PPP6R3: variants seen among roughly 807,000 people sequenced by gnomAD.
PPP6R3 encodes protein phosphatase 6 regulatory subunit 3.
In PPP6R3, 38 loss-of-function variants were observed where a neutral mutation model predicts 110.7. The ratio of observed to expected loss-of-function variants is 0.34; its 90% CI spans 0.26 to 0.45. PPP6R3 has a LOEUF of 0.45. Ranked by LOEUF, PPP6R3 falls within the 20% of genes least tolerant of loss-of-function variation. The pLI, the probability that PPP6R3 is intolerant of heterozygous loss-of-function variation, is 1.00. For missense variants in PPP6R3, 870 were observed against 1,062.4 expected (o/e 0.82, Z 2.52); for synonymous variants, 369 against 373.5 (o/e 0.99, Z 0.14).
chr11:68,575,773 A>G (rs530407130), intron 13 of PPP6R3, among the ~76,000 whole-genome samples, 185 bp from the exon 14 acceptor site: 1 of 152,316 alleles, frequency 6.6e-6, no homozygotes, highest in East Asian at 1.9e-4. Context: ...GGCCTATGGA[A>G]GGTTTAATAA....
Position 68,497,954 on chromosome 11 carries a change from G to A in PPP6R3, c.-157-21547G>A, listed in dbSNP as rs1342274490. Among the ~76,000 whole-genome samples, 3 of 152,064 alleles carry A rather than the reference G, an allele frequency of 2.0e-5. No individual in the cohort carries two copies. In the East Asian group the frequency reaches 5.8e-4, roughly 29 times the overall value. On this transcript the variant is annotated intron_variant, in intron 1 of 23. Transcript: ENST00000393800. ...TCAGATGAGATCATTGTTGTTTATT[G>A]TTGGATATTTAGGAACCATGTATTT...
chr11:68,611,671 G>T (rs1347793515), intron 23 of PPP6R3, among the ~76,000 whole-genome samples: 1 of 152,156 alleles, frequency 6.6e-6, no homozygotes, highest in Non-Finnish European at 1.5e-5. Flanking sequence ...CATACTAGAG[G>T]CACATTCATC....
At chr11:68,609,239 C>T (rs1594135569) in intron 22 of PPP6R3, among the ~76,000 whole-genome samples, 1 of 152,166 alleles carries the variant, frequency 6.6e-6, no homozygotes, top group South Asian at 2.1e-4. Context: ...TACCCAAATC[C>T]TCTGTGTCCT....
At chr11:68,497,471 G>A (rs1243907910) in intron 1 of PPP6R3, among the ~76,000 whole-genome samples, 1 of 152,050 alleles carries the variant, frequency 6.6e-6, no homozygotes, top group East Asian at 1.9e-4. Flanking sequence ...TCCCACCTCA[G>A]CCTCCTGAGT....
chr11:68,611,550 A>T (rs1482664686), intron 23 of PPP6R3, among the ~76,000 whole-genome samples: 7 of 152,170 alleles, frequency 4.6e-5, no homozygotes, highest in Admixed American at 4.6e-4. Flanking sequence ...ACTTGGGTCC[A>T]TGCCTTTATC....
chr11:68,478,569 G>A (rs895018480), intron 1 of PPP6R3, among the ~76,000 whole-genome samples: 1 of 146,968 alleles, frequency 6.8e-6, no homozygotes, highest in Admixed American at 6.9e-5. Context: ...CGTTTTAGGC[G>A]TGCCTTTTGA....
intron 1 of PPP6R3, among the ~76,000 whole-genome samples, chr11:68,504,724 A>C (rs1050020386): frequency 6.6e-6 from 1 of 152,168 alleles, no homozygotes; most frequent in South Asian, 2.1e-4. Flanking sequence ...TTCTTGGTCA[A>C]GTTTTTGTTG....
At position 68,558,517 on chromosome 11, in the gene PPP6R3, T is replaced by C. The variant is rs748643868; in HGVS notation, c.732-49T>C. The C allele has an allele frequency of 5.8e-6, 7 of 1,204,690 alleles. No individual in the cohort carries two copies. In the South Asian group the frequency reaches 7.7e-5, roughly 13 times the overall value. The allele number at this position is 1,204,690 out of a possible 1,614,324, so 74.6% of individuals were successfully genotyped here. A position where few individuals can be genotyped will look rare whatever the true frequency, so the allele number is the denominator to read the frequency against. On this transcript the variant is annotated intron_variant, in intron 7 of 23. Coordinates refer to ENST00000393800, the MANE Select transcript of PPP6R3 (RefSeq NM_001164161.2). Reference sequence around the variant, plus strand: ...ACCGTCGTCTTTTTTTCTGAGGTTGTTGGTGATAAGTGATACTGCAGTTAG... The same window carrying C: ...ACCGTCGTCTTTTTTTCTGAGGTTGCTGGTGATAAGTGATACTGCAGTTAG...
chr11:68,610,837 A>T (rs538254833), intron 23 of PPP6R3, among the ~76,000 whole-genome samples: 4 of 150,576 alleles, frequency 2.7e-5, no homozygotes, highest in East Asian at 2.0e-4. Flanking sequence ...AGAAGTTTTA[A>T]CCCCCCACCC....
chr11:68,470,325 G>T (rs2098781635), intron 1 of PPP6R3, among the ~76,000 whole-genome samples: 1 of 152,122 alleles, frequency 6.6e-6, no homozygotes, highest in Non-Finnish European at 1.5e-5. Context: ...GGTGGCAGTG[G>T]GGTAGGGGCA....
chr11:68,513,099 T>A (rs976580122), intron 1 of PPP6R3, among the ~76,000 whole-genome samples: 2 of 151,970 alleles, frequency 1.3e-5, no homozygotes, highest in Non-Finnish European at 2.9e-5. Context: ...GTGGACTGAG[T>A]TAGAGACCAC....
At chr11:68,546,647 G>A (rs977068396) in intron 4 of PPP6R3, among the ~76,000 whole-genome samples, 1 of 152,200 alleles carries the variant, frequency 6.6e-6, no homozygotes. Flanking sequence ...GTATGCAACT[G>A]TAAGGACAAA....
intron 2 of PPP6R3, among the ~76,000 whole-genome samples, chr11:68,530,130 T>C (rs971028265): frequency 1.1e-4 from 17 of 152,250 alleles, no homozygotes; most frequent in Admixed American, 5.9e-4. Context: ...TTTTTTACTT[T>C]TTTGATGTGG....
At chr11:68,534,248 TA>T in intron 2 of PPP6R3, among the ~76,000 whole-genome samples, 1 of 152,276 alleles carries the variant, frequency 6.6e-6, no homozygotes, top group Admixed American at 6.6e-5. Context: ...AAGTGGGTGT[TA>T]ATGGGACTTT....
chr11:68,522,699 A>C (rs2099169764), intron 2 of PPP6R3: 1 of 152,264 alleles, frequency 6.6e-6, no homozygotes, highest in African/African-American at 2.4e-5. Context: ...TGTAAGCTTT[A>C]AACACCTTAC....
At chr11:68,548,633 T>C (rs2099358553) in intron 5 of PPP6R3, among the ~76,000 whole-genome samples, 1 of 152,150 alleles carries the variant, frequency 6.6e-6, no homozygotes, top group Non-Finnish European at 1.5e-5. Flanking sequence ...GAGGTGTTGA[T>C]GTATCCAGGG....
In PPP6R3 at chr11:68,527,433, G is replaced by A. The variant is rs576176309; in HGVS notation, c.-7+7782G>A. On this transcript the variant is annotated intron_variant, in intron 2 of 23. Transcript: ENST00000393800. ...GTCTCTACAGTGCCCCACCTCAGGCGTCTTACCTTCATCCCCTTCTTTCCT... is the reference window on the plus strand; with the variant it reads ...GTCTCTACAGTGCCCCACCTCAGGCATCTTACCTTCATCCCCTTCTTTCCT... 4.6e-5 allele frequency among the ~76,000 whole-genome samples: 7 copies of A among 152,178 alleles called. No homozygotes were observed. The South Asian group carries it at 8.3e-4, about 18-fold the overall frequency.
chr11:68,494,232 T>C (rs2099001722), intron 1 of PPP6R3, among the ~76,000 whole-genome samples: 1 of 150,282 alleles, frequency 6.7e-6, no homozygotes, highest in Admixed American at 6.6e-5. Flanking sequence ...CATGCCTGTA[T>C]CAAAACATCA....
At chr11:68,469,496 C>G (rs1187270816) in intron 1 of PPP6R3, among the ~76,000 whole-genome samples, 1 of 151,878 alleles carries the variant, frequency 6.6e-6, no homozygotes, top group Non-Finnish European at 1.5e-5. Context: ...ACCTCAGCCT[C>G]CCGAGTAGCT....
Sources: gnomAD v4.1 joint callset for allele counts (sites outside exome capture counted in the v4.1 genomes callset) on GRCh38, gnomAD v4.1.1 for gene constraint, MANE v1.5 for transcripts, NCBI Gene and HGNC (gene_info 2026-07-23, HGNC 2026-07-21) for gene names.